BANK1: variants seen among roughly 807,000 people sequenced by gnomAD.
The protein encoded by BANK1 is B-cell scaffold protein with ankyrin repeats.
Under a neutral mutation model 94.5 loss-of-function variants are expected in BANK1, and 95 were observed. The observed-to-expected ratio is 1.00, with a 90% CI of 0.85 to 1.19. BANK1 has a LOEUF of 1.19. BANK1 is among the 50% of genes most tolerant of loss of function. The probability of loss-of-function intolerance (pLI) is 0.00; values close to 1 mark genes in which losing one functional copy is unlikely to be tolerated. For missense variants in BANK1, 987 were observed against 932.2 expected (o/e 1.06, Z -0.77); for synonymous variants, 334 against 308.4 (o/e 1.08, Z -0.87).
At chr4:101,895,551 G>A in intron 6 of BANK1, 141 bp downstream of exon 6, 1 of 535,372 alleles carries the variant, frequency 1.9e-6, no homozygotes, top group South Asian at 2.7e-5. Context: ...CCTGGTGAAA[G>A]GGTACATTAG....
intron 5 of BANK1, among the ~76,000 whole-genome samples, chr4:101,874,943 T>A (rs944335340): frequency 2.0e-5 from 3 of 152,156 alleles, no homozygotes; most frequent in Admixed American, 1.3e-4. Flanking sequence ...TGAAAACTTA[T>A]AGAACAGGAA....
intron 6 of BANK1, among the ~76,000 whole-genome samples, chr4:101,911,240 T>C (rs1001621883): frequency 2.6e-5 from 4 of 152,110 alleles, no homozygotes; most frequent in African/African-American, 4.8e-5. Context: ...GCTCGGGGTG[T>C]CATTGAAGTG....
chr4:101,966,191 G>T (rs1467800644), intron 7 of BANK1, among the ~76,000 whole-genome samples: 4 of 152,004 alleles, frequency 2.6e-5, no homozygotes, highest in African/African-American at 4.8e-5. Flanking sequence ...AATGGCTTAT[G>T]CTACTTTTCC....
At chr4:101,808,532 G>A (rs956494259) in intron 1 of BANK1, among the ~76,000 whole-genome samples, 2 of 152,028 alleles carry the variant, frequency 1.3e-5, no homozygotes, top group Non-Finnish European at 2.9e-5. Context: ...AATCATCAAA[G>A]CTGTAATACA....
intron 7 of BANK1, among the ~76,000 whole-genome samples, chr4:102,003,606 C>G (rs910287992): frequency 6.6e-6 from 1 of 152,044 alleles, no homozygotes; most frequent in South Asian, 2.1e-4. Flanking sequence ...GACCTAGTTG[C>G]AGAAGTCATA....
intron 7 of BANK1, among the ~76,000 whole-genome samples, chr4:102,003,428 C>G (rs1023037224): frequency 2.0e-5 from 3 of 152,154 alleles, no homozygotes; most frequent in Admixed American, 6.5e-5. Flanking sequence ...CCATGTCTGG[C>G]AATTGGAGGT....
intron 10 of BANK1, among the ~76,000 whole-genome samples, chr4:102,035,033 A>G (rs1416470765): frequency 1.3e-5 from 2 of 152,206 alleles, no homozygotes; most frequent in Non-Finnish European, 2.9e-5. Flanking sequence ...AACTCTGAAT[A>G]TTTGGTGAAT....
At chr4:102,020,809 A>G (rs774592262) in intron 7 of BANK1, among the ~76,000 whole-genome samples, 2 of 152,146 alleles carry the variant, frequency 1.3e-5, no homozygotes, top group African/African-American at 2.4e-5. Flanking sequence ...AATCCAGTCA[A>G]TCTCCATCCC....
intron 1 of BANK1, among the ~76,000 whole-genome samples, chr4:101,808,157 C>G (rs1033710277): frequency 2.0e-5 from 3 of 151,884 alleles, no homozygotes; most frequent in African/African-American, 7.3e-5. Context: ...AAAGCCTGGC[C>G]TCTTAACCAC....
At chr4:101,861,470 G>A (rs1036602595) in intron 3 of BANK1, among the ~76,000 whole-genome samples, 3 of 152,042 alleles carry the variant, frequency 2.0e-5, no homozygotes, top group Non-Finnish European at 4.4e-5. Context: ...GAAAGCTTTT[G>A]AAGGGTGATA....
chr4:101,959,175 C>A (rs1396106464), intron 7 of BANK1, among the ~76,000 whole-genome samples: 1 of 150,968 alleles, frequency 6.6e-6, no homozygotes, highest in East Asian at 2.0e-4. Flanking sequence ...CTCACTCTGT[C>A]GCCCAGGCTG....
intron 7 of BANK1, among the ~76,000 whole-genome samples, chr4:101,970,985 G>T (rs1036795071): frequency 2.6e-5 from 4 of 152,244 alleles, no homozygotes; most frequent in Non-Finnish European, 5.9e-5. Context: ...GTGTAATGAG[G>T]CTTCACAGAT....
chr4:102,047,591 C>A (rs114413831), intron 11 of BANK1, among the ~76,000 whole-genome samples: 3,085 of 152,142 alleles, frequency 0.02, 118 homozygotes, highest in African/African-American at 0.071. Context: ...CCCATACATA[C>A]CTCACAGAGC....
intron 6 of BANK1, among the ~76,000 whole-genome samples, chr4:101,899,455 C>T (rs1253722366): frequency 1.3e-5 from 2 of 152,128 alleles, no homozygotes; most frequent in Non-Finnish European, 2.9e-5. Context: ...AGCATATTCT[C>T]AAGCTAATTT....
chr4:101,965,057 T>C (rs1037322527), intron 7 of BANK1, among the ~76,000 whole-genome samples: 1 of 151,362 alleles, frequency 6.6e-6, no homozygotes, highest in African/African-American at 2.4e-5. Flanking sequence ...AGAATGATGA[T>C]TTCCAATTTC....
At chr4:101,803,955 G>A (rs1377193726) in intron 1 of BANK1, among the ~76,000 whole-genome samples, 2 of 110,108 alleles carry the variant, frequency 1.8e-5, no homozygotes, top group African/African-American at 3.5e-5. Flanking sequence ...CCGAGATCCC[G>A]CCACTGCACT....
intron 1 of BANK1, among the ~76,000 whole-genome samples, chr4:101,803,761 G>A (rs1412309778): frequency 6.6e-6 from 1 of 151,794 alleles, no homozygotes; most frequent in Non-Finnish European, 1.5e-5. Flanking sequence ...ACTTTGGGAG[G>A]CCGAGGCGGG....
chr4:101,998,058 C>G lies in BANK1; in HGVS notation c.1207-23456C>G, dbSNP rs188561890. Among the ~76,000 whole-genome samples the G allele has an allele frequency of 1.4e-4, 21 of 152,268 alleles. No homozygotes were observed. The East Asian group carries it at 4.0e-3, about 29-fold the overall frequency. On this transcript the variant is annotated intron_variant, in intron 7 of 16. Coordinates refer to ENST00000322953, the MANE Select transcript of BANK1 (RefSeq NM_017935.5). ...CACTTTCTCCTGTGGACATTTGGTG[C>G]TAAAAATTCCCCTGTAAACACTGCT...
intron 10 of BANK1, among the ~76,000 whole-genome samples, chr4:102,036,473 C>G (rs1872702): frequency 0.65 from 99,519 of 152,076 alleles, 33,509 homozygotes; most frequent in African/African-American, 0.81. Flanking sequence ...CTTAGATCAA[C>G]TGCCTTGGAT....
Sources: gnomAD v4.1 joint callset for allele counts (sites outside exome capture counted in the v4.1 genomes callset) on GRCh38, gnomAD v4.1.1 for gene constraint, MANE v1.5 for transcripts, NCBI Gene and HGNC (gene_info 2026-07-23, HGNC 2026-07-21) for gene names.